The following TMTC2 variants were observed in gnomAD, a reference collection of about 807,000 sequenced individuals.
TMTC2 encodes transmembrane O-mannosyltransferase targeting cadherins 2.
TMTC2 carries 43 observed loss-of-function variants against 82.4 expected under a neutral mutation model. That is an observed-to-expected ratio of 0.52 (90% CI 0.41 to 0.67). TMTC2 has a LOEUF of 0.67. Among genes scored for constraint, TMTC2 ranks in the 30% least tolerant of loss-of-function variants. The probability of loss-of-function intolerance (pLI) is 0.00; values close to 1 mark genes in which losing one functional copy is unlikely to be tolerated. For missense variants in TMTC2, 919 were observed against 1,012.4 expected (o/e 0.91, Z 1.25); for synonymous variants, 408 against 381.9 (o/e 1.07, Z -0.80).
At chr12:82,798,907 A>G (rs1475359850) in intron 1 of TMTC2, among the ~76,000 whole-genome samples, 1 of 152,118 alleles carries the variant, frequency 6.6e-6, no homozygotes, top group Non-Finnish European at 1.5e-5. Flanking sequence ...AACAAATCCA[A>G]TGATGATACT....
At chr12:82,823,839 AAGAC>A (rs1489222055) in intron 1 of TMTC2, among the ~76,000 whole-genome samples, 4 of 152,032 alleles carry the variant, frequency 2.6e-5, no homozygotes, top group Non-Finnish European at 5.9e-5. Flanking sequence ...AAAAAAAATA[AAGAC>A]AGACAGGAAG....
intron 10 of TMTC2, among the ~76,000 whole-genome samples, chr12:83,060,308 G>A: frequency 6.6e-6 from 1 of 151,628 alleles, no homozygotes; most frequent in East Asian, 1.9e-4. Flanking sequence ...GTTATCTTCA[G>A]TTATTTCCAT....
chr12:82,817,618 T>TA (rs1250469421), intron 1 of TMTC2, among the ~76,000 whole-genome samples: 4 of 152,166 alleles, frequency 2.6e-5, no homozygotes, highest in African/African-American at 9.7e-5. Flanking sequence ...CCTTCACTGT[T>TA]ATTCATTAGG....
intron 1 of TMTC2, chr12:82,760,799 A>G: frequency 2.6e-6 from 1 of 378,432 alleles, no homozygotes; most frequent in Non-Finnish European, 5.4e-6. Context: ...TGCGCATGTG[A>G]GGGATCTAGG....
intron 8 of TMTC2, among the ~76,000 whole-genome samples, chr12:83,025,446 A>G (rs1322599482): frequency 6.7e-6 from 1 of 150,162 alleles, no homozygotes; most frequent in African/African-American, 2.4e-5. Flanking sequence ...GTAGAAAAAC[A>G]TTATTTTCTC....
intron 11 of TMTC2, among the ~76,000 whole-genome samples, chr12:83,125,631 C>T (rs1885078379): frequency 6.6e-6 from 1 of 152,142 alleles, no homozygotes. Flanking sequence ...GGAATATCTG[C>T]ATTATACTTT....
At chr12:83,087,221 A>G (rs1779008352) in intron 11 of TMTC2, among the ~76,000 whole-genome samples, 1 of 152,110 alleles carries the variant, frequency 6.6e-6, no homozygotes, top group Non-Finnish European at 1.5e-5. Flanking sequence ...TCATCCATTC[A>G]AGTTTTTTCC....
intron 2 of TMTC2, among the ~76,000 whole-genome samples, chr12:82,882,953 G>T (rs563299400): frequency 3.9e-4 from 59 of 151,416 alleles, no homozygotes; most frequent in Non-Finnish European, 5.9e-4. Flanking sequence ...CTACTTAGGA[G>T]GCTGAAGCAG....
chr12:83,049,408 G>A (rs991886216), intron 9 of TMTC2, among the ~76,000 whole-genome samples: 3 of 152,212 alleles, frequency 2.0e-5, no homozygotes, highest in East Asian at 1.9e-4. Context: ...TGAGAACATG[G>A]TGGTGTTTGG....
intron 2 of TMTC2, among the ~76,000 whole-genome samples, chr12:82,880,002 T>C (rs538376627): frequency 3.3e-5 from 5 of 152,324 alleles, no homozygotes; most frequent in Admixed American, 2.0e-4. Context: ...TACACAGCCT[T>C]CTTTCCTCAT....
intron 6 of TMTC2, among the ~76,000 whole-genome samples, chr12:82,966,307 G>A (rs1226908689): frequency 1.3e-5 from 2 of 152,028 alleles, no homozygotes; most frequent in Non-Finnish European, 2.9e-5. Context: ...AAGTTAGGAG[G>A]TGACCCAGAC....
intron 1 of TMTC2, among the ~76,000 whole-genome samples, chr12:82,800,190 G>C (rs1355240974): frequency 1.3e-5 from 2 of 152,064 alleles, no homozygotes; most frequent in Non-Finnish European, 2.9e-5. Flanking sequence ...CAGAATAAAT[G>C]AGATATTACT....
intron 11 of TMTC2, among the ~76,000 whole-genome samples, chr12:83,091,324 T>G (rs1883839709): frequency 6.6e-6 from 1 of 152,200 alleles, no homozygotes; most frequent in African/African-American, 2.4e-5. Context: ...CATTTATTTG[T>G]TTTTTCCCCA....
chr12:82,818,911 A>G (rs925416082), intron 1 of TMTC2, among the ~76,000 whole-genome samples: 2 of 152,134 alleles, frequency 1.3e-5, no homozygotes, highest in Admixed American at 6.5e-5. Flanking sequence ...AAATACTTGT[A>G]GTGGATAAGC....
chr12:82,706,165 T>C (rs1873340957), intron 1 of TMTC2, among the ~76,000 whole-genome samples: 1 of 151,774 alleles, frequency 6.6e-6, no homozygotes, highest in African/African-American at 2.4e-5. Context: ...GAAAATTAGC[T>C]GGGCTTGGTG....
chr12:82,948,854 T>G (rs1592650131), intron 4 of TMTC2, among the ~76,000 whole-genome samples: 1 of 11,854 alleles, frequency 8.4e-5, no homozygotes, highest in African/African-American at 1.3e-4. Flanking sequence ...TCAAAAGCTA[T>G]TTTTTTTTTT....
intron 3 of TMTC2, among the ~76,000 whole-genome samples, chr12:82,900,800 A>AATAT (rs545154210): frequency 1.7e-5 from 2 of 120,750 alleles, no homozygotes; most frequent in African/African-American, 7.0e-5. Flanking sequence ...ATATACCTGG[A>AATAT]ATATATATAT....
At chr12:82,937,761 T>TGG (rs1876428163) in intron 4 of TMTC2, among the ~76,000 whole-genome samples, 1 of 36,620 alleles carries the variant, frequency 2.7e-5, no homozygotes, top group Admixed American at 3.5e-4. Context: ...TATATATATA[T>TGG]ATATATATAT....
intron 1 of TMTC2, among the ~76,000 whole-genome samples, chr12:82,848,391 C>T (rs1257240854): frequency 6.6e-6 from 1 of 152,084 alleles, no homozygotes; most frequent in African/African-American, 2.4e-5. Flanking sequence ...CCCTCTAAGA[C>T]ATTGGGCATC....
Sources: allele counts gnomAD v4.1 joint callset (sites outside exome capture counted in the v4.1 genomes callset), GRCh38; gene constraint gnomAD v4.1.1; transcripts MANE v1.5; gene names NCBI Gene and HGNC (gene_info 2026-07-23, HGNC 2026-07-21).